TBC1D22A: variants seen among roughly 807,000 people sequenced by gnomAD.
TBC1D22A encodes putative GTPase activator.
A neutral mutation model predicts 60.2 loss-of-function variants in TBC1D22A; 38 were observed. That is an observed-to-expected ratio of 0.63 (90% CI 0.49 to 0.83). The LOEUF is 0.83. Among genes scored for constraint, TBC1D22A ranks in the 40% least tolerant of loss-of-function variants. The pLI is 0.00. For missense variants in TBC1D22A, 628 were observed against 701.0 expected, an observed-to-expected ratio of 0.90 and a Z score of 1.18; for synonymous variants, 302 against 281.7, an observed-to-expected ratio of 1.07 and a Z score of -0.72.
chr22:46,994,361 T>G (rs1365554045), intron 9 of TBC1D22A, among the ~76,000 whole-genome samples: 1 of 121,098 alleles, frequency 8.3e-6, no homozygotes, highest in Non-Finnish European at 1.7e-5. Context: ...CCACCTGCTG[T>G]GGAGCCTCTT....
At position 46,797,763 on chromosome 22, in the gene TBC1D22A, A is replaced by T. The variant is rs1329038370; in HGVS notation, c.637+143A>T. 12 of 879,786 alleles carry T rather than the reference A, an allele frequency of 1.4e-5. No individual in the cohort carries two copies. The East Asian group carries it at 3.7e-4, about 27-fold the overall frequency. The allele number at this position is 879,786 out of a possible 1,614,324, so 54.5% of individuals were successfully genotyped here. A position where few individuals can be genotyped will look rare whatever the true frequency, so the allele number is the denominator to read the frequency against. ...TGCCTTGCAGGAAGGTGATGTTTTC[A>T]TGTAATATTTTCAAGTCAGTCACTA... On this transcript the variant is annotated intron_variant, in intron 4 of 12. Transcript: ENST00000337137.
chr22:46,852,898 C>T (rs1000313297), intron 4 of TBC1D22A, among the ~76,000 whole-genome samples: 11 of 152,194 alleles, frequency 7.2e-5, no homozygotes, highest in African/African-American at 2.2e-4. Context: ...GCATCTCTGC[C>T]GACTGAGGTC....
At chr22:47,139,019 G>A (rs188870371) in intron 12 of TBC1D22A, among the ~76,000 whole-genome samples, 14 of 152,296 alleles carry the variant, frequency 9.2e-5, no homozygotes, top group Admixed American at 7.8e-4. Context: ...TTATTTGGCC[G>A]AAACCCAGAA....
chr22:46,910,711 T>C (rs5767407), intron 7 of TBC1D22A, among the ~76,000 whole-genome samples: 117,041 of 151,928 alleles, frequency 0.77, 45,292 homozygotes, highest in Middle Eastern at 0.85. Context: ...AGGGAACAGG[T>C]GGCAGCAGAG....
chr22:47,105,042 A>G (rs1020248040), intron 11 of TBC1D22A, among the ~76,000 whole-genome samples: 3 of 152,078 alleles, frequency 2.0e-5, no homozygotes, highest in African/African-American at 7.2e-5. Context: ...CCTTGGGCAC[A>G]TGCTCTCAGG....
rs9627613 is a variant in TBC1D22A at position 46,898,629 on chromosome 22, A to G, written c.900+3783A>G. ...TAAGATAACCTAGACACAATGGGGC[A>G]GGGAACAATCAGATATGCATTTGTG... On this transcript the variant is annotated intron_variant, in intron 7 of 12. Transcript: ENST00000337137. 9.3e-3 allele frequency among the ~76,000 whole-genome samples: 1,409 copies of G among 152,280 alleles called. 31 individuals carry two copies. The highest frequency in any genetic ancestry group is 0.032 in the African/African-American group (1,339 of 41,558).
intron 11 of TBC1D22A, among the ~76,000 whole-genome samples, chr22:47,065,317 A>C (rs868807017): frequency 6.6e-6 from 1 of 152,186 alleles, no homozygotes; most frequent in Non-Finnish European, 1.5e-5. Context: ...AAGCAAGAGG[A>C]ATCTCAATTA....
chr22:46,910,938 T>G (rs1268811194), intron 7 of TBC1D22A, among the ~76,000 whole-genome samples: 1 of 151,734 alleles, frequency 6.6e-6, no homozygotes, highest in Admixed American at 6.6e-5. Context: ...ATGCTGTAGC[T>G]CAGTGCAGCC....
chr22:47,107,007 A>G (rs536628666), intron 11 of TBC1D22A, among the ~76,000 whole-genome samples: 1 of 152,354 alleles, frequency 6.6e-6, no homozygotes, highest in African/African-American at 2.4e-5. Flanking sequence ...ATAGCTAGGG[A>G]AGATTAGGTC....
chr22:46,841,022 GATGA>G (rs1302650886), intron 4 of TBC1D22A, among the ~76,000 whole-genome samples: 1 of 149,464 alleles, frequency 6.7e-6, no homozygotes, highest in African/African-American at 2.5e-5. Flanking sequence ...AGTATTCACC[GATGA>G]ATGAATGAGT....
intron 11 of TBC1D22A, among the ~76,000 whole-genome samples, chr22:47,082,547 C>G (rs1158510173): frequency 6.6e-6 from 1 of 152,184 alleles, no homozygotes; most frequent in Non-Finnish European, 1.5e-5. Flanking sequence ...TACAAATAGC[C>G]CACTTTAAAA....
chr22:46,899,020 T>G (rs1167825799), intron 7 of TBC1D22A, among the ~76,000 whole-genome samples: 1 of 152,050 alleles, frequency 6.6e-6, no homozygotes, highest in Admixed American at 6.6e-5. Flanking sequence ...TGGATCAACT[T>G]GGAGGGTAGA....
chr22:47,020,709 G>T (rs2062057636), intron 10 of TBC1D22A, among the ~76,000 whole-genome samples: 1 of 152,198 alleles, frequency 6.6e-6, no homozygotes, highest in African/African-American at 2.4e-5. Context: ...AATGAATGTG[G>T]TGGACAGGCC....
intron 11 of TBC1D22A, among the ~76,000 whole-genome samples, chr22:47,066,361 G>A (rs1000877268): frequency 6.6e-6 from 1 of 151,916 alleles, no homozygotes; most frequent in African/African-American, 2.4e-5. Context: ...GTGCCGGGAC[G>A]TACGTGCGGG....
intron 9 of TBC1D22A, among the ~76,000 whole-genome samples, chr22:46,986,896 A>C (rs2074746279): frequency 6.6e-6 from 1 of 152,042 alleles, no homozygotes; most frequent in African/African-American, 2.4e-5. Context: ...TGATGTCTGG[A>C]ATCTCAGGTG....
intron 1 of TBC1D22A, among the ~76,000 whole-genome samples, chr22:46,783,782 A>G (rs918785577): frequency 1.3e-5 from 2 of 152,162 alleles, no homozygotes; most frequent in African/African-American, 4.8e-5. Flanking sequence ...CATTATATGT[A>G]TGTATTCTGG....
intron 12 of TBC1D22A, among the ~76,000 whole-genome samples, chr22:47,170,526 A>T (rs2068391810): frequency 6.6e-6 from 1 of 152,222 alleles, no homozygotes. Flanking sequence ...CACTGAAAGT[A>T]TCCAAAATGC....
chr22:47,035,533 G>A (rs2062627787), intron 10 of TBC1D22A, among the ~76,000 whole-genome samples: 1 of 152,226 alleles, frequency 6.6e-6, no homozygotes, highest in Non-Finnish European at 1.5e-5. Flanking sequence ...CTACCCCACA[G>A]TGTGAAGCAG....
At chr22:46,902,934 C>T (rs1027621099) in intron 7 of TBC1D22A, among the ~76,000 whole-genome samples, 10 of 150,614 alleles carry the variant, frequency 6.6e-5, no homozygotes, top group East Asian at 1.9e-4. Context: ...TGTATCCTGC[C>T]GACTGCATTC....
Sources: gnomAD v4.1 joint callset for allele counts (sites outside exome capture counted in the v4.1 genomes callset) on GRCh38, gnomAD v4.1.1 for gene constraint, MANE v1.5 for transcripts, NCBI Gene and HGNC (gene_info 2026-07-23, HGNC 2026-07-21) for gene names.